The following CPXM2 variants were observed in gnomAD, a reference collection of about 807,000 sequenced individuals.
CPXM2 encodes inactive carboxypeptidase-like protein X2.
CPXM2 carries 66 observed loss-of-function variants against 86.1 expected under a neutral mutation model. The ratio of observed to expected loss-of-function variants is 0.77; its 90% CI spans 0.63 to 0.94. CPXM2 has a LOEUF of 0.94. CPXM2 is among the 40% of genes least tolerant of loss of function. The pLI is 0.00. For synonymous variants in CPXM2, 388 were observed against 400.2 expected, an observed-to-expected ratio of 0.97 and a Z score of 0.36; for missense variants, 948 against 1,026.3, an observed-to-expected ratio of 0.92 and a Z score of 1.04.
intron 7 of CPXM2, among the ~76,000 whole-genome samples, chr10:123,772,016 C>T (rs1846646290): frequency 6.6e-6 from 1 of 152,220 alleles, no homozygotes; most frequent in South Asian, 2.1e-4. Context: ...AAGGAATACA[C>T]CTTCCTTAGT....
intron 4 of CPXM2, among the ~76,000 whole-genome samples, chr10:123,816,900 G>A (rs1328401236): frequency 6.6e-6 from 1 of 152,234 alleles, no homozygotes; most frequent in Non-Finnish European, 1.5e-5. Flanking sequence ...CAGTGAGCAA[G>A]ACGTAGCAAA....
At chr10:123,846,416 C>T (rs1299297301) in intron 3 of CPXM2, among the ~76,000 whole-genome samples, 1 of 152,190 alleles carries the variant, frequency 6.6e-6, no homozygotes, top group Non-Finnish European at 1.5e-5. Context: ...TCTAATACCA[C>T]TGCTGATCTT....
intron 5 of CPXM2, among the ~76,000 whole-genome samples, chr10:123,798,829 T>C (rs1847391374): frequency 6.6e-6 from 1 of 151,870 alleles, no homozygotes; most frequent in African/African-American, 2.4e-5. Flanking sequence ...GCATGCCCCA[T>C]GCATGCAACT....
At chr10:123,755,502 G>A (rs1322595282) in intron 12 of CPXM2, among the ~76,000 whole-genome samples, 1 of 152,144 alleles carries the variant, frequency 6.6e-6, no homozygotes, top group Non-Finnish European at 1.5e-5. Context: ...ATGTCCAGAG[G>A]CTTAAAAAAT....
intron 4 of CPXM2, among the ~76,000 whole-genome samples, chr10:123,828,196 T>A (rs1848087631): frequency 6.6e-6 from 1 of 151,928 alleles, no homozygotes; most frequent in African/African-American, 2.4e-5. Flanking sequence ...GAAAAAAAGT[T>A]AAAGAAAGAG....
chr10:123,808,104 CTTCCTTCAAAT>C (rs1442903779), intron 4 of CPXM2, among the ~76,000 whole-genome samples: 1 of 151,428 alleles, frequency 6.6e-6, no homozygotes, highest in East Asian at 1.9e-4. Context: ...CCAATCCAGC[CTTCCTTCAAAT>C]CAGAAAAAAC....
chr10:123,863,669 C>A (rs886818218), intron 2 of CPXM2, among the ~76,000 whole-genome samples: 8 of 152,206 alleles, frequency 5.3e-5, no homozygotes, highest in African/African-American at 1.4e-4. Flanking sequence ...CTCAGAAATC[C>A]TCACTGCTGG....
intron 2 of CPXM2, among the ~76,000 whole-genome samples, chr10:123,878,978 A>G (rs951738352): frequency 6.6e-6 from 1 of 152,162 alleles, no homozygotes; most frequent in Non-Finnish European, 1.5e-5. Flanking sequence ...AGCAGCAGAA[A>G]CACAGCCACA....
chr10:123,937,469 CAACACACACACACACACA>C (rs1945732335), intron 2 of CPXM2, among the ~76,000 whole-genome samples: 1 of 77,360 alleles, frequency 1.3e-5, no homozygotes, highest in Non-Finnish European at 2.5e-5. Flanking sequence ...GACAACAAAA[CAACACACACACACACACA>C]CACACACACA....
chr10:123,795,597 C>T (rs867291951), intron 6 of CPXM2, among the ~76,000 whole-genome samples: 2 of 152,266 alleles, frequency 1.3e-5, no homozygotes, highest in South Asian at 4.2e-4. Flanking sequence ...ATAAGCAAGA[C>T]TCATTTTGGG....
chr10:123,858,418 GA>G (rs1261069226), intron 3 of CPXM2, among the ~76,000 whole-genome samples: 1 of 152,248 alleles, frequency 6.6e-6, no homozygotes, highest in Non-Finnish European at 1.5e-5. Flanking sequence ...ATAACTGTCA[GA>G]AAAGAGAGAT....
chr10:123,766,724 ATTGT>A (rs2133997903), intron 10 of CPXM2, among the ~76,000 whole-genome samples: 1 of 152,304 alleles, frequency 6.6e-6, no homozygotes, highest in Admixed American at 6.5e-5. Context: ...TTCAGGGGAG[ATTGT>A]TTGGGTTTTG....
intron 2 of CPXM2, among the ~76,000 whole-genome samples, chr10:123,900,921 G>A (rs1013688175): frequency 5.3e-5 from 8 of 151,920 alleles, no homozygotes; most frequent in East Asian, 3.9e-4. Flanking sequence ...TGAATGAATC[G>A]ATCCTTTTTT....
At chr10:123,847,294 G>A (rs1034348638) in intron 3 of CPXM2, among the ~76,000 whole-genome samples, 16 of 152,220 alleles carry the variant, frequency 1.1e-4, no homozygotes, top group Non-Finnish European at 2.4e-4. Flanking sequence ...GGAGGCCAAG[G>A]TGGGTGGATC....
At chr10:123,907,445 G>C (rs756622734) in intron 2 of CPXM2, among the ~76,000 whole-genome samples, 1 of 152,120 alleles carries the variant, frequency 6.6e-6, no homozygotes, top group Non-Finnish European at 1.5e-5. Context: ...ATCGCTGGGC[G>C]GGGCCCTCGC....
intron 2 of CPXM2, among the ~76,000 whole-genome samples, chr10:123,876,861 T>C (rs928510799): frequency 6.6e-6 from 1 of 152,224 alleles, no homozygotes; most frequent in Admixed American, 6.5e-5. Flanking sequence ...AATATGCCTA[T>C]AAGGTTAATA....
chr10:123,826,741 G>A (rs990358969), intron 4 of CPXM2, among the ~76,000 whole-genome samples: 40 of 152,144 alleles, frequency 2.6e-4, no homozygotes, highest in Middle Eastern at 3.4e-3. Context: ...ATCGACTTAC[G>A]GACACACAGA....
At chr10:123,761,834 T>C (rs1205785431) in intron 11 of CPXM2, 38 bp downstream of exon 11, 1 of 1,594,514 alleles carries the variant, frequency 6.3e-7, no homozygotes. Context: ...AGCGTCCTCC[T>C]GCGCCCGCAG....
At chr10:123,804,777 A>G (rs1171098967) in intron 4 of CPXM2, among the ~76,000 whole-genome samples, 1 of 152,206 alleles carries the variant, frequency 6.6e-6, no homozygotes, top group Non-Finnish European at 1.5e-5. Flanking sequence ...GATCCAAGGG[A>G]AGGTTTCTAT....
Sources: gnomAD v4.1 joint callset for allele counts (sites outside exome capture counted in the v4.1 genomes callset) on GRCh38, gnomAD v4.1.1 for gene constraint, MANE v1.5 for transcripts, NCBI Gene and HGNC (gene_info 2026-07-23, HGNC 2026-07-21) for gene names.